Variants in YBX1 observed in about 807,000 individuals in gnomAD.
The protein encoded by YBX1 is Y-box-binding protein 1.
In YBX1, 3 loss-of-function variants were observed where a neutral mutation model predicts 41.4. The observed-to-expected ratio is 0.07, with a 90% CI of 0.03 to 0.19. The LOEUF (loss-of-function observed/expected upper bound fraction) is 0.19. Ranked by LOEUF, YBX1 falls within the 10% of genes least tolerant of loss-of-function variation. The probability of loss-of-function intolerance (pLI) is 1.00; values close to 1 mark genes in which losing one functional copy is unlikely to be tolerated. For missense variants in YBX1, 274 were observed against 462.8 expected (o/e 0.59, Z 3.74); for synonymous variants, 133 against 165.8 (o/e 0.80, Z 1.52).
chr1:42,686,524 A>G lies in YBX1; in HGVS notation c.230+3058A>G, dbSNP rs138038833. Among the ~76,000 whole-genome samples, 9 of 152,270 alleles carry G rather than the reference A, an allele frequency of 5.9e-5. No individual in the cohort carries two copies. The East Asian group carries it at 1.7e-3, about 29-fold the overall frequency. On this transcript the variant is annotated intron_variant, in intron 2 of 7. Coordinates refer to ENST00000321358, the MANE Select transcript of YBX1 (RefSeq NM_004559.5). ...CAGCCTTCACGCCTGGCCTCTGTGT[A>G]TGCATTTGAGTTTATTACCCATGGT...
intron 2 of YBX1, among the ~76,000 whole-genome samples, chr1:42,683,747 C>T (rs771133748): frequency 2.6e-5 from 4 of 152,180 alleles, no homozygotes; most frequent in Non-Finnish European, 4.4e-5. Context: ...AGTGAATGAG[C>T]CATTCCTTAA....
In YBX1 at chr1:42,682,461, C is replaced by CA. The variant is rs961248463; in HGVS notation, c.-104dup. On this transcript the variant is annotated 5_prime_UTR_variant, in exon 1 of 8. Coordinates refer to ENST00000321358, the MANE Select transcript of YBX1 (RefSeq NM_004559.5). Reference sequence around the variant, plus strand: ...GGTAGCGGGAGCGGAGAGCGGACCCCAGAGAGCCCTGAGCAGCCCCACCGC... The same window carrying CA: ...GGTAGCGGGAGCGGAGAGCGGACCCCAAGAGAGCCCTGAGCAGCCCCACCGC... 3 of 1,254,756 alleles carry CA rather than the reference C, an allele frequency of 2.4e-6. No individual in the cohort carries two copies. Among genetic ancestry groups the CA allele is most frequent in the African/African-American group, 1.6e-5 (1 of 63,312 alleles). 77.7% of individuals were successfully genotyped at this position (1,254,756 alleles called of 1,614,324 possible).
At chr1:42,685,267 C>G (rs1250407430) in intron 2 of YBX1, among the ~76,000 whole-genome samples, 4 of 152,080 alleles carry the variant, frequency 2.6e-5, no homozygotes, top group Non-Finnish European at 5.9e-5. Context: ...CATTGAATAT[C>G]TCTATTCTGA....
intron 6 of YBX1, among the ~76,000 whole-genome samples, 183 bp downstream of exon 6, chr1:42,697,445 AT>A (rs539601762): frequency 6.6e-6 from 1 of 152,140 alleles, no homozygotes; most frequent in Non-Finnish European, 1.5e-5. Context: ...TTATACATAA[AT>A]TTTTTTAGAA....
chr1:42,691,810 C>G (rs1650345055), intron 2 of YBX1, among the ~76,000 whole-genome samples: 1 of 152,166 alleles, frequency 6.6e-6, no homozygotes, highest in African/African-American at 2.4e-5. Flanking sequence ...GCAACTAACA[C>G]CCACCACTTC....
At chr1:42,685,668 G>A (rs1005070661) in intron 2 of YBX1, among the ~76,000 whole-genome samples, 1 of 152,150 alleles carries the variant, frequency 6.6e-6, no homozygotes, top group Non-Finnish European at 1.5e-5. Context: ...TGCAGTGTTC[G>A]GGATGACTAT....
At chr1:42,683,530 C>G in intron 2 of YBX1, 64 bp downstream of exon 2, 1 of 1,597,188 alleles carries the variant, frequency 6.3e-7, no homozygotes, top group Non-Finnish European at 8.6e-7. Flanking sequence ...CTGTCGGCTT[C>G]TCGGGGCTTG....
intron 5 of YBX1, 53 bp from the exon 6 acceptor site, chr1:42,697,126 GT>G: frequency 6.3e-7 from 1 of 1,575,442 alleles, no homozygotes; most frequent in Non-Finnish European, 8.6e-7. Flanking sequence ...ATCTGGTTGG[GT>G]TTTTTTATTA....
intron 3 of YBX1, among the ~76,000 whole-genome samples, chr1:42,694,187 C>G (rs529823798): frequency 6.6e-6 from 1 of 152,088 alleles, no homozygotes; most frequent in African/African-American, 2.4e-5. Flanking sequence ...GAAGAGAAAA[C>G]TGTTAACATA....
intron 1 of YBX1, chr1:42,683,059 AC>A (rs1343121201): frequency 2.2e-6 from 1 of 447,904 alleles, no homozygotes; most frequent in Non-Finnish European, 4.3e-6. Flanking sequence ...TGTTCGCGTC[AC>A]CCCCACCCAG....
chr1:42,683,561 C>G, intron 2 of YBX1, 95 bp downstream of exon 2: 1 of 1,450,130 alleles, frequency 6.9e-7, no homozygotes, highest in Non-Finnish European at 9.6e-7. Flanking sequence ...ATCCACAGCT[C>G]TGTTCTGAAA....
chr1:42,683,054 G>C, intron 1 of YBX1: 1 of 437,058 alleles, frequency 2.3e-6, no homozygotes, highest in Non-Finnish European at 4.4e-6. Flanking sequence ...GCCGTTGTTC[G>C]CGTCACCCCC....
At chr1:42,683,124 C>T (rs1180451022) in intron 1 of YBX1, 3 of 605,524 alleles carry the variant, frequency 5.0e-6, no homozygotes, top group African/African-American at 1.9e-5. Flanking sequence ...CAGGCCGGAG[C>T]GGCTTCCCCT....
intron 2 of YBX1, among the ~76,000 whole-genome samples, chr1:42,689,047 A>G (rs1036467333): frequency 4.3e-4 from 65 of 152,310 alleles, no homozygotes; most frequent in African/African-American, 1.4e-3. Context: ...TGGCACCTCA[A>G]ACTTCTATCC....
intron 1 of YBX1, 144 bp downstream of exon 1, chr1:42,682,875 T>A: frequency 4.8e-6 from 1 of 210,078 alleles, no homozygotes; most frequent in South Asian, 3.4e-4. Flanking sequence ...CGTCCCCCCC[T>A]CACTCCCTCT....
rs370001539 is a variant in YBX1 at position 42,696,751 on chromosome 1, C to A, written c.464C>A (p.Pro155Gln). 1.8e-5 allele frequency: 29 copies of A among 1,613,824 alleles called. No homozygotes were observed. The highest frequency in any genetic ancestry group is 1.5e-4 in the African/African-American group (11 of 75,006). The change falls in exon 5 of 8, where the codon CCA (proline) becomes CAA (glutamine). Residue 155 changes from proline (P) to glutamine (Q), a missense_variant. Pro to Gln is a moderately conservative substitution (Grantham distance 76). Around this residue, in one of 3 missense-constraint regions of YBX1, gnomAD observed 187 missense variants for 306.3 expected, o/e 0.61. Coordinates refer to ENST00000321358, the MANE Select transcript of YBX1 (RefSeq NM_004559.5). The surrounding 1 kb of genome is among the most constrained non-coding windows in gnomAD (Gnocchi z 5.7). ...CGCTATCCACGTCGTAGGGGTCCTC[C>A]ACGCAATTACCAGCAAAATTACCAG... The part of the protein sequence containing the change: ...YRRYPRRRGP[P>Q]RNYQQNYQNS...
intron 6 of YBX1, among the ~76,000 whole-genome samples, chr1:42,699,366 A>G (rs937851408): frequency 6.6e-6 from 1 of 152,214 alleles, no homozygotes; most frequent in Non-Finnish European, 1.5e-5. Flanking sequence ...TGGTAAATTT[A>G]TAAGTAATAG....
chr1:42,700,155 T>C (rs1057109086), intron 6 of YBX1, among the ~76,000 whole-genome samples: 2 of 151,220 alleles, frequency 1.3e-5, no homozygotes, highest in Non-Finnish European at 3.0e-5. Flanking sequence ...GGGAAAGAGT[T>C]TTAGAATGTA....
intron 2 of YBX1, 121 bp downstream of exon 2, chr1:42,683,587 T>A: frequency 9.6e-7 from 1 of 1,045,850 alleles, no homozygotes; most frequent in Non-Finnish European, 1.4e-6. Context: ...TTACTACCTC[T>A]GGTGTATTAG....
Sources: gnomAD v4.1 joint callset for allele counts (sites outside exome capture counted in the v4.1 genomes callset) on GRCh38, gnomAD v4.1.1 for gene constraint, gnomAD v4.1.1 regional missense constraint, Gnocchi (gnomAD v3.1) non-coding constraint, MANE v1.5 for transcripts, NCBI Gene and HGNC (gene_info 2026-07-23, HGNC 2026-07-21) for gene names.